AGBL1: variants seen among roughly 807,000 people sequenced by gnomAD.
AGBL1 encodes the protein cytosolic carboxypeptidase 4.
In AGBL1, 130 loss-of-function variants were observed where a neutral mutation model predicts 118.9. The observed-to-expected ratio is 1.09, with a 90% CI of 0.95 to 1.26. The LOEUF (loss-of-function observed/expected upper bound fraction) is 1.26. Among genes scored for constraint, AGBL1 ranks in the 50% most tolerant of loss-of-function variants. The pLI is 0.00. For missense variants in AGBL1, 1,584 were observed against 1,298.1 expected (o/e 1.22, Z -3.38); for synonymous variants, 555 against 478.9 (o/e 1.16, Z -2.08).
intron 1 of AGBL1, among the ~76,000 whole-genome samples, chr15:86,134,540 T>C (rs1702873646): frequency 6.6e-6 from 1 of 151,402 alleles, no homozygotes; most frequent in Non-Finnish European, 1.5e-5. Context: ...TGGAGAAAAT[T>C]GAGAGGGGGA....
intron 22 of AGBL1, among the ~76,000 whole-genome samples, chr15:86,680,038 C>A (rs568774051): frequency 6.6e-6 from 1 of 152,104 alleles, no homozygotes. Context: ...AGGTAGGATA[C>A]ATCTGCACCT....
intron 17 of AGBL1, among the ~76,000 whole-genome samples, chr15:86,364,571 G>T (rs890082094): frequency 2.6e-5 from 4 of 152,006 alleles, no homozygotes; most frequent in African/African-American, 9.7e-5. Flanking sequence ...TGTTGTGTTA[G>T]AAAATATTTT....
At chr15:86,553,425 C>G (rs942321589) in intron 20 of AGBL1, among the ~76,000 whole-genome samples, 4 of 152,020 alleles carry the variant, frequency 2.6e-5, no homozygotes, top group Non-Finnish European at 5.9e-5. Context: ...ATTTTTACCC[C>G]AAGAAAAGGT....
intron 22 of AGBL1, among the ~76,000 whole-genome samples, chr15:86,721,256 T>C (rs562205795): frequency 2.0e-5 from 3 of 152,200 alleles, no homozygotes; most frequent in East Asian, 3.9e-4. Flanking sequence ...CTCAATAAAA[T>C]ACTGGCAAAC....
At chr15:86,645,447 T>A (rs965570014) in intron 21 of AGBL1, among the ~76,000 whole-genome samples, 4 of 152,210 alleles carry the variant, frequency 2.6e-5, no homozygotes, top group Admixed American at 1.3e-4. Context: ...TCCTAATTTT[T>A]AATAACTGAG....
At chr15:86,688,284 G>A (rs1797152223) in intron 22 of AGBL1, among the ~76,000 whole-genome samples, 1 of 151,828 alleles carries the variant, frequency 6.6e-6, no homozygotes, top group East Asian at 1.9e-4. Flanking sequence ...AGGGTGGGGA[G>A]GACAAGGGAG....
At chr15:86,564,652 T>C (rs895152858) in intron 21 of AGBL1, among the ~76,000 whole-genome samples, 2 of 152,218 alleles carry the variant, frequency 1.3e-5, no homozygotes, top group Admixed American at 6.5e-5. Context: ...GCGTTCTCTG[T>C]ATTTCATGAA....
intron 17 of AGBL1, among the ~76,000 whole-genome samples, chr15:86,328,112 T>C (rs936164532): frequency 1.3e-5 from 2 of 152,194 alleles, no homozygotes; most frequent in Non-Finnish European, 2.9e-5. Flanking sequence ...GAGAGCTTAG[T>C]TCCTGTTCCT....
intron 23 of AGBL1, among the ~76,000 whole-genome samples, chr15:86,931,212 C>T (rs968546192): frequency 4.6e-5 from 7 of 152,200 alleles, no homozygotes; most frequent in African/African-American, 1.2e-4. Flanking sequence ...TGTTACCCTT[C>T]GCTTCAAGAT....
At chr15:86,813,504 AG>A (rs1278136244) in intron 22 of AGBL1, among the ~76,000 whole-genome samples, 1 of 152,166 alleles carries the variant, frequency 6.6e-6, no homozygotes, top group Non-Finnish European at 1.5e-5. Context: ...TGTCTTCCAA[AG>A]CAGAAAACTC....
intron 22 of AGBL1, among the ~76,000 whole-genome samples, chr15:86,786,215 C>T (rs1260630340): frequency 1.3e-5 from 2 of 152,066 alleles, no homozygotes; most frequent in South Asian, 2.1e-4. Context: ...ATTAACTCGT[C>T]ATTTAGCATT....
chr15:87,014,937 A>G (rs28542307), intron 24 of AGBL1, among the ~76,000 whole-genome samples: 15,679 of 152,054 alleles, frequency 0.1, 1,619 homozygotes, highest in African/African-American at 0.27. Flanking sequence ...GCGTCTCTCT[A>G]AGGGTGTTTT....
intron 18 of AGBL1, among the ~76,000 whole-genome samples, chr15:86,502,666 T>A (rs1351302602): frequency 6.6e-6 from 1 of 151,254 alleles, no homozygotes; most frequent in Non-Finnish European, 1.5e-5. Flanking sequence ...TTTCAGTAGC[T>A]CTTGAGATGA....
At chr15:86,286,735 G>GTGTGTGTATATATATATATATATATATA in intron 16 of AGBL1, among the ~76,000 whole-genome samples, 19 of 106,288 alleles carry the variant, frequency 1.8e-4, no homozygotes, top group African/African-American at 7.4e-4. Context: ...GTTTGTGTGT[G>GTGTGTGTATATATATATATATATATATA]TATATATATA....
At chr15:86,395,884 A>G (rs1264596465) in intron 17 of AGBL1, among the ~76,000 whole-genome samples, 1 of 152,006 alleles carries the variant, frequency 6.6e-6, no homozygotes, top group African/African-American at 2.4e-5. Flanking sequence ...TCTGTTATCA[A>G]AAGATATTCA....
intron 22 of AGBL1, among the ~76,000 whole-genome samples, chr15:86,901,193 A>T (rs1312864604): frequency 1.3e-5 from 2 of 152,122 alleles, no homozygotes; most frequent in Non-Finnish European, 2.9e-5. Context: ...AAATATGTTG[A>T]CTAGGTTTTA....
chr15:86,172,919 C>A, intron 5 of AGBL1, among the ~76,000 whole-genome samples: 1 of 151,884 alleles, frequency 6.6e-6, no homozygotes, highest in Admixed American at 6.6e-5. Flanking sequence ...TTTTTCAAAA[C>A]CTGCATATTG....
chr15:86,709,132 C>G (rs980937272), intron 22 of AGBL1, among the ~76,000 whole-genome samples: 1 of 152,122 alleles, frequency 6.6e-6, no homozygotes, highest in African/African-American at 2.4e-5. Flanking sequence ...TATTCCCTCT[C>G]CTGGAAAACA....
chr15:86,621,774 T>C (rs538330071), intron 21 of AGBL1, among the ~76,000 whole-genome samples: 9 of 152,334 alleles, frequency 5.9e-5, no homozygotes, highest in African/African-American at 1.9e-4. Flanking sequence ...GTTTCCAGAA[T>C]GGTTGTTGAG....
Sources: allele counts gnomAD v4.1 joint callset (sites outside exome capture counted in the v4.1 genomes callset), GRCh38; gene constraint gnomAD v4.1.1; transcripts MANE v1.5; gene names NCBI Gene and HGNC (gene_info 2026-07-23, HGNC 2026-07-21).